CHEK1: variants seen among roughly 807,000 people sequenced by gnomAD.
CHEK1 encodes the protein serine/threonine-protein kinase Chk1.
Under a neutral mutation model 60.2 loss-of-function variants are expected in CHEK1, and 32 were observed. The observed-to-expected ratio is 0.53, with a 90% confidence interval of 0.40 to 0.71. The LOEUF (loss-of-function observed/expected upper bound fraction) is 0.71, where lower values mean the gene tolerates loss of function less well. Ranked by LOEUF, CHEK1 falls within the 30% of genes least tolerant of loss-of-function variation. The probability of loss-of-function intolerance (pLI) is 0.00; values close to 1 mark genes in which losing one functional copy is unlikely to be tolerated. For missense variants in CHEK1, 399 were observed against 564.6 expected, an observed-to-expected ratio of 0.71 and a Z score of 2.97; for synonymous variants, 179 against 187.2, an observed-to-expected ratio of 0.96 and a Z score of 0.36.
intron 13 of CHEK1, chr11:125,672,790 A>C: frequency 7.0e-6 from 11 of 1,578,290 alleles, no homozygotes; most frequent in Non-Finnish European, 9.5e-6. Flanking sequence ...TGTGATGCTC[A>C]GTGTCTCCAT....
At chr11:125,651,960 C>G (rs1941753116) in intron 11 of CHEK1, among the ~76,000 whole-genome samples, 1 of 152,182 alleles carries the variant, frequency 6.6e-6, no homozygotes, top group Non-Finnish European at 1.5e-5. Flanking sequence ...TCTCTCAGTT[C>G]TTGAAGTATT....
chr11:125,653,028 T>G lies in CHEK1; in HGVS notation c.1234-718T>G, dbSNP rs1941791861. ...CTTCTACTTCTATGAAATTAACAGT[T>G]TTTTTGTTTCCACATATGAGTGAGA... On this transcript the variant is annotated intron_variant, in intron 11 of 12. Coordinates refer to ENST00000438015, the MANE Select transcript of CHEK1 (RefSeq NM_001114122.3). This position sits in a 1 kb window ranked among gnomAD's most constrained non-coding sequence, Gnocchi z 4.3. Among the ~76,000 whole-genome samples the G allele has an allele frequency of 6.6e-6, 1 of 152,142 alleles. No homozygotes were observed. Among genetic ancestry groups the G allele is most frequent in the Admixed American group, 6.5e-5 (1 of 15,276 alleles).
intron 3 of CHEK1, among the ~76,000 whole-genome samples, 153 bp downstream of exon 3, chr11:125,627,983 TTAA>T (rs1940694429): frequency 6.6e-6 from 1 of 152,208 alleles, no homozygotes; most frequent in African/African-American, 2.4e-5. Context: ...CCACCTGGTG[TTAA>T]TAACATAAAA....
chr11:125,661,097 T>C (rs1269309460), downstream of CHEK1, among the ~76,000 whole-genome samples: 1 of 152,140 alleles, frequency 6.6e-6, no homozygotes, highest in Non-Finnish European at 1.5e-5. Flanking sequence ...TTTATCTTTT[T>C]ACTTTTACTT....
downstream of CHEK1, among the ~76,000 whole-genome samples, chr11:125,659,571 A>G (rs547070131): frequency 8.6e-5 from 13 of 151,926 alleles, no homozygotes; most frequent in African/African-American, 1.2e-4. Context: ...ACTTTTTTCT[A>G]TATTTTTACA....
intron 13 of CHEK1, among the ~76,000 whole-genome samples, chr11:125,669,891 TTA>T (rs140947164): frequency 0.068 from 10,425 of 152,240 alleles, 388 homozygotes; most frequent in Middle Eastern, 0.1. Flanking sequence ...TTTTATAAGT[TTA>T]TGTTTTTCAC....
At chr11:125,639,382 CTTTTTTTTTT>C (rs367756024) in intron 8 of CHEK1, among the ~76,000 whole-genome samples, 9 of 106,382 alleles carry the variant, frequency 8.5e-5, no homozygotes, top group South Asian at 3.3e-4. Context: ...ATACTTTTCT[CTTTTTTTTTT>C]TTTTTTTTTT....
At chr11:125,661,967 G>T (rs549510997), downstream of CHEK1, among the ~76,000 whole-genome samples, 3 of 152,164 alleles carry the variant, frequency 2.0e-5, no homozygotes, top group South Asian at 6.2e-4. Flanking sequence ...GAGGATATTG[G>T]CATTGATAAG....
intron 13 of CHEK1, among the ~76,000 whole-genome samples, chr11:125,673,851 A>C (rs1030633941): frequency 1.3e-5 from 2 of 151,740 alleles, no homozygotes; most frequent in Admixed American, 6.6e-5. Flanking sequence ...TGTTTCTGTC[A>C]CTCGGTTTCC....
At chr11:125,680,682 A>C, downstream of CHEK1, 1 of 1,559,070 alleles carries the variant, frequency 6.4e-7, no homozygotes, top group Non-Finnish European at 8.8e-7. Context: ...AAATGTCTTA[A>C]GGGAGACCCC....
At position 125,644,718 on chromosome 11, in the gene CHEK1, A is replaced by C. The variant is rs1030297224; in HGVS notation, c.1233+75A>C. 23 of 1,502,120 alleles carry C rather than the reference A, an allele frequency of 1.5e-5. No individual in the cohort carries two copies. In the East Asian group the frequency reaches 5.5e-4, roughly 36 times the overall value. 93.0% of individuals were successfully genotyped at this position (1,502,120 alleles called of 1,614,324 possible). ...TATTTGAGTAAAAGCTATCATTAGT[A>C]TATTTTTTAAATATAGGCTGTGGCT... On this transcript the variant is annotated intron_variant, in intron 11 of 12. Transcript: ENST00000438015.
At chr11:125,678,205 G>A (rs183418543), downstream of CHEK1, 9 of 1,614,114 alleles carry the variant, frequency 5.6e-6, no homozygotes, top group Middle Eastern at 1.6e-4. Context: ...GCATCAGAAG[G>A]GTTTTCAAGT....
intron 8 of CHEK1, among the ~76,000 whole-genome samples, chr11:125,640,022 T>C (rs1192365435): frequency 6.6e-6 from 1 of 152,232 alleles, no homozygotes; most frequent in Non-Finnish European, 1.5e-5. Flanking sequence ...AAAATTTCTC[T>C]TAACTCCACT....
intron 13 of CHEK1, among the ~76,000 whole-genome samples, chr11:125,664,353 C>T (rs7936886): frequency 0.19 from 28,598 of 150,722 alleles, 2,919 homozygotes; most frequent in African/African-American, 0.27. Context: ...CCTACCTCAG[C>T]CTCCCAAGTA....
downstream of CHEK1, among the ~76,000 whole-genome samples, chr11:125,659,951 T>C (rs1941981995): frequency 6.6e-6 from 1 of 152,240 alleles, no homozygotes; most frequent in Non-Finnish European, 1.5e-5. Context: ...TTCATATAAA[T>C]AGAATTGGAT....
downstream of CHEK1, chr11:125,676,256 G>T: frequency 7.1e-7 from 1 of 1,414,742 alleles, no homozygotes; most frequent in Non-Finnish European, 9.7e-7. Flanking sequence ...GAATCTTCAA[G>T]TTCCTTGATT....
rs561439546 is a variant in CHEK1 at position 125,625,247 on chromosome 11, G to C, written c.-786G>C. The C allele has an allele frequency of 4.3e-6, 1 of 230,122 alleles. No individual in the cohort carries two copies. Among genetic ancestry groups the C allele is most frequent in the Non-Finnish European group, 8.6e-6 (1 of 116,334 alleles). The allele number at this position is 230,122 out of a possible 1,614,324, so 14.3% of individuals were successfully genotyped here. On this transcript the variant is annotated 5_prime_UTR_variant, in exon 1 of 13. Coordinates refer to ENST00000438015, the MANE Select transcript of CHEK1 (RefSeq NM_001114122.3). ...TAAGCAGATGGTCTTCCTGCAAAAA[G>C]ACCGGGCTGAAGTAAAGCATTGTTT... is the stretch of plus-strand genomic sequence containing the variant.
chr11:125,661,548 G>A (rs1290948832), downstream of CHEK1, among the ~76,000 whole-genome samples: 3 of 152,162 alleles, frequency 2.0e-5, no homozygotes, highest in Admixed American at 1.3e-4. Flanking sequence ...TTGGCCTCAA[G>A]TTATCTGCCC....
chr11:125,647,482 T>C (rs944249113), intron 11 of CHEK1, among the ~76,000 whole-genome samples: 10 of 152,278 alleles, frequency 6.6e-5, no homozygotes, highest in African/African-American at 2.2e-4. Context: ...TCCAAGTTTG[T>C]TCTTTTTTTC....
Sources: gnomAD v4.1 joint callset for allele counts (sites outside exome capture counted in the v4.1 genomes callset) on GRCh38, gnomAD v4.1.1 for gene constraint, Gnocchi (gnomAD v3.1) non-coding constraint, MANE v1.5 for transcripts, NCBI Gene and HGNC (gene_info 2026-07-23, HGNC 2026-07-21) for gene names.